MPDZ: variants seen among roughly 807,000 people sequenced by gnomAD.
MPDZ encodes the protein multiple PDZ domain protein.
In MPDZ, 234 loss-of-function variants were observed where a neutral mutation model predicts 239.1. The observed-to-expected ratio is 0.98, with a 90% CI of 0.88 to 1.09. The LOEUF (loss-of-function observed/expected upper bound fraction) is 1.09. Ranked by LOEUF, MPDZ falls within the 50% of genes least tolerant of loss-of-function variation. The probability of loss-of-function intolerance (pLI) is 0.00; values close to 1 mark genes in which losing one functional copy is unlikely to be tolerated. For missense variants in MPDZ, 3,175 were observed against 2,510.0 expected, an observed-to-expected ratio of 1.26 and a Z score of -5.66; for synonymous variants, 1,048 against 881.3, an observed-to-expected ratio of 1.19 and a Z score of -3.35.
Position 13,152,752 on chromosome 9 carries a change from G to A in MPDZ, c.3453-2064C>T, listed in dbSNP as rs1411079832. Among the ~76,000 whole-genome samples, 6 of 151,828 alleles carry A rather than the reference G, an allele frequency of 4.0e-5. No homozygotes were observed. In the South Asian group the frequency reaches 6.2e-4, roughly 16 times the overall value. The stretch of plus-strand genomic sequence containing the variant: ...TGGTATGCTCCCGCCTTGGGGCCTC[G>A]GTGCTTGCTAATTCCTCTGTCTTGA... On this transcript the variant is annotated intron_variant, in intron 24 of 46. Transcript: ENST00000319217.
At chr9:13,226,379 T>C (rs975585788) in intron 3 of MPDZ, among the ~76,000 whole-genome samples, 11 of 152,114 alleles carry the variant, frequency 7.2e-5, no homozygotes, top group African/African-American at 2.7e-4. Context: ...TTTTTATCTG[T>C]AACTACTTAT....
At chr9:13,261,572 C>A (rs1224382273) in intron 1 of MPDZ, among the ~76,000 whole-genome samples, 1 of 152,230 alleles carries the variant, frequency 6.6e-6, no homozygotes, top group Non-Finnish European at 1.5e-5. Context: ...AGTAGGACCA[C>A]TAAATAATTA....
chr9:13,253,049 A>G (rs1192408413), intron 1 of MPDZ, among the ~76,000 whole-genome samples: 1 of 152,198 alleles, frequency 6.6e-6, no homozygotes, highest in African/African-American at 2.4e-5. Context: ...TGTTCCTGAC[A>G]TACATGGGAG....
intron 32 of MPDZ, among the ~76,000 whole-genome samples, chr9:13,127,263 G>C (rs76761836): frequency 0.028 from 4,245 of 152,144 alleles, 73 homozygotes; most frequent in Non-Finnish European, 0.04. Flanking sequence ...TGTCCTTTTG[G>C]GGGGTGAACA....
At chr9:13,242,434 G>A (rs1310657115) in intron 3 of MPDZ, among the ~76,000 whole-genome samples, 5 of 151,616 alleles carry the variant, frequency 3.3e-5, no homozygotes, top group African/African-American at 1.2e-4. Context: ...TCACCACGTT[G>A]ACCATGCTGG....
chr9:13,206,143 T>A, intron 10 of MPDZ, 44 bp from the exon 11 acceptor site: 1 of 1,516,928 alleles, frequency 6.6e-7, no homozygotes, highest in South Asian at 1.2e-5. Flanking sequence ...GTTAAATAAA[T>A]GGATATTTGT....
At chr9:13,195,245 A>G (rs1955498438) in intron 13 of MPDZ, among the ~76,000 whole-genome samples, 1 of 152,112 alleles carries the variant, frequency 6.6e-6, no homozygotes, top group Non-Finnish European at 1.5e-5. Flanking sequence ...CCATGACTGC[A>G]CCACTGCACT....
intron 1 of MPDZ, among the ~76,000 whole-genome samples, chr9:13,275,100 A>G (rs1294075057): frequency 2.0e-5 from 3 of 152,192 alleles, no homozygotes; most frequent in African/African-American, 7.2e-5. Context: ...TGCTCAGACT[A>G]TGCACTAGCC....
intron 10 of MPDZ, among the ~76,000 whole-genome samples, chr9:13,214,526 A>G (rs1958037752): frequency 6.6e-6 from 1 of 152,078 alleles, no homozygotes; most frequent in Non-Finnish European, 1.5e-5. Context: ...TGAATACACT[A>G]AAAGCTACTG....
At position 13,109,096 on chromosome 9, in the gene MPDZ, A is replaced by C. The variant is rs952411751; in HGVS notation, c.5943-37T>G. The C allele has an allele frequency of 6.2e-6, 8 of 1,300,510 alleles. No individual in the cohort carries two copies. In the African/African-American group the frequency reaches 1.2e-4, roughly 20 times the overall value. The allele number at this position is 1,300,510 out of a possible 1,614,324, so 80.6% of individuals were successfully genotyped here. ...GAAAGGAAAAAGAGGTTTTAAATTAAAAAAAAAAAACTATACATATATGTT... is the reference window on the plus strand; with the variant it reads ...GAAAGGAAAAAGAGGTTTTAAATTACAAAAAAAAAACTATACATATATGTT... On this transcript the variant is annotated intron_variant, in intron 45 of 46. Transcript: ENST00000319217.
At chr9:13,232,646 C>T (rs1031932311) in intron 3 of MPDZ, among the ~76,000 whole-genome samples, 2 of 151,026 alleles carry the variant, frequency 1.3e-5, no homozygotes, top group Non-Finnish European at 3.0e-5. Context: ...AAGCAATACC[C>T]ACAAAGAAAA....
chr9:13,263,550 T>C (rs1971172454), intron 1 of MPDZ, among the ~76,000 whole-genome samples: 1 of 152,220 alleles, frequency 6.6e-6, no homozygotes, highest in African/African-American at 2.4e-5. Flanking sequence ...AAAACATTTC[T>C]TCAAAATATA....
At position 13,237,888 on chromosome 9, in the gene MPDZ, ATTT is replaced by A. The variant is rs370726097; in HGVS notation, c.183+9744_183+9746del. Among the ~76,000 whole-genome samples the A allele has an allele frequency of 2.6e-3, 394 of 152,292 alleles. 3 individuals carry two copies. Among genetic ancestry groups the A allele is most frequent in the African/African-American group, 9.2e-3 (382 of 41,564 alleles). ...GAAATGTGATTTTTCCATTTTTCAA[ATTT>A]TCCAAATGACCAATGAAATATAAAT... On this transcript the variant is annotated intron_variant, in intron 3 of 46. Transcript: ENST00000319217.
intron 1 of MPDZ, among the ~76,000 whole-genome samples, chr9:13,275,756 A>T (rs1974028327): frequency 6.6e-6 from 1 of 152,170 alleles, no homozygotes; most frequent in Non-Finnish European, 1.5e-5. Flanking sequence ...ATTGCTCTCC[A>T]TTAATTGCTC....
intron 3 of MPDZ, among the ~76,000 whole-genome samples, chr9:13,242,700 T>C (rs1263868067): frequency 6.6e-6 from 1 of 152,160 alleles, no homozygotes; most frequent in Admixed American, 6.5e-5. Context: ...GCTCCATAGT[T>C]TCCTCTCCTG....
chr9:13,227,873 C>T (rs528254984), intron 3 of MPDZ, among the ~76,000 whole-genome samples: 64 of 152,034 alleles, frequency 4.2e-4, no homozygotes, highest in Admixed American at 3.3e-3. Context: ...TTAATTATAC[C>T]ACCATACAAA....
At chr9:13,139,197 A>ACAG (rs1947288744) in intron 28 of MPDZ, among the ~76,000 whole-genome samples, 1 of 152,228 alleles carries the variant, frequency 6.6e-6, no homozygotes, top group African/African-American at 2.4e-5. Flanking sequence ...CTTCCACAAT[A>ACAG]CAGCAGCACA....
intron 3 of MPDZ, among the ~76,000 whole-genome samples, chr9:13,239,897 T>C (rs995862560): frequency 1.3e-5 from 2 of 152,152 alleles, no homozygotes; most frequent in African/African-American, 2.4e-5. Flanking sequence ...TTACAGAATG[T>C]CTTTTCTTTA....
intron 20 of MPDZ, 127 bp downstream of exon 20, chr9:13,176,009 T>G: frequency 2.1e-6 from 3 of 1,415,976 alleles, no homozygotes; most frequent in Non-Finnish European, 1.9e-6. Flanking sequence ...AACAAGTTCA[T>G]AGGTTGCCTT....
Sources: gnomAD v4.1 joint callset for allele counts (sites outside exome capture counted in the v4.1 genomes callset) on GRCh38, gnomAD v4.1.1 for gene constraint, MANE v1.5 for transcripts, NCBI Gene and HGNC (gene_info 2026-07-23, HGNC 2026-07-21) for gene names.